TRPM7: variants seen among roughly 807,000 people sequenced by gnomAD.
TRPM7 encodes the protein LTRPC ion channel family member 7.
In TRPM7, 134 loss-of-function variants were observed where a neutral mutation model predicts 229.7. That is an observed-to-expected ratio of 0.58 (90% CI 0.51 to 0.67). The LOEUF (loss-of-function observed/expected upper bound fraction) is 0.67. TRPM7 is among the 30% of genes least tolerant of loss of function. The probability of loss-of-function intolerance (pLI) is 0.00; values close to 1 mark genes in which losing one functional copy is unlikely to be tolerated. For synonymous variants in TRPM7, 699 were observed against 715.2 expected, an observed-to-expected ratio of 0.98 and a Z score of 0.36; for missense variants, 1,901 against 2,210.0, an observed-to-expected ratio of 0.86 and a Z score of 2.80.
intron 38 of TRPM7, among the ~76,000 whole-genome samples, chr15:50,569,575 A>G (rs1190541476): frequency 6.6e-6 from 1 of 152,158 alleles, no homozygotes; most frequent in Non-Finnish European, 1.5e-5. Context: ...AATCTTGTCA[A>G]TATTCAACAT....
intron 5 of TRPM7, among the ~76,000 whole-genome samples, chr15:50,641,650 T>A (rs940935843): frequency 1.3e-5 from 2 of 152,196 alleles, no homozygotes; most frequent in African/African-American, 4.8e-5. Flanking sequence ...ATATTTTTAC[T>A]GTTTATGGAA....
intron 26 of TRPM7, among the ~76,000 whole-genome samples, 192 bp from the exon 27 acceptor site, chr15:50,589,848 T>TTTG (rs2059439807): frequency 7.3e-6 from 1 of 137,308 alleles, no homozygotes; most frequent in East Asian, 2.0e-4. Flanking sequence ...AGGTTACAGT[T>TTTG]TTTTTTGTTT....
At chr15:50,607,099 TACAC>T in intron 20 of TRPM7, 97 bp downstream of exon 20, 1 of 1,004,102 alleles carries the variant, frequency 1.0e-6, no homozygotes, top group South Asian at 2.0e-5. Flanking sequence ...AATGTCATCA[TACAC>T]ACACACACCC....
chr15:50,590,723 C>T (rs968483579), intron 26 of TRPM7, among the ~76,000 whole-genome samples: 3 of 151,674 alleles, frequency 2.0e-5, no homozygotes, highest in Non-Finnish European at 4.4e-5. Flanking sequence ...ACTCAGGAGG[C>T]TGAGGCAGGA....
chr15:50,676,187 T>C (rs2062089964), intron 1 of TRPM7, among the ~76,000 whole-genome samples: 1 of 152,172 alleles, frequency 6.6e-6, no homozygotes, highest in African/African-American at 2.4e-5. Flanking sequence ...CACCTTACTC[T>C]CTAAACAAAT....
At chr15:50,647,883 C>T (rs1360520581) in intron 4 of TRPM7, among the ~76,000 whole-genome samples, 1 of 152,144 alleles carries the variant, frequency 6.6e-6, no homozygotes, top group Non-Finnish European at 1.5e-5. Flanking sequence ...ACTTTATTTA[C>T]CTGTCATTAT....
intron 1 of TRPM7, among the ~76,000 whole-genome samples, chr15:50,666,150 A>G (rs2061874294): frequency 6.6e-6 from 1 of 152,144 alleles, no homozygotes; most frequent in Non-Finnish European, 1.5e-5. Context: ...CAAAAGTTAA[A>G]AGTTGGTTCT....
chr15:50,675,055 T>C (rs894927404), intron 1 of TRPM7, among the ~76,000 whole-genome samples: 2 of 151,898 alleles, frequency 1.3e-5, no homozygotes, highest in Non-Finnish European at 2.9e-5. Flanking sequence ...TTCAAGAAAA[T>C]CTCCTGGCTG....
chr15:50,619,855 CT>C, intron 12 of TRPM7, 57 bp from the exon 13 acceptor site: 1 of 1,445,328 alleles, frequency 6.9e-7, no homozygotes, highest in Non-Finnish European at 9.5e-7. Context: ...TAATTTAAAC[CT>C]TACAGGATTT....
At chr15:50,589,990 T>A (rs978525669) in intron 26 of TRPM7, among the ~76,000 whole-genome samples, 2 of 152,142 alleles carry the variant, frequency 1.3e-5, no homozygotes, top group Non-Finnish European at 2.9e-5. Context: ...CCTGAGTAGC[T>A]GGGACTACAG....
At chr15:50,649,014 A>G in intron 3 of TRPM7, 129 bp from the exon 4 acceptor site, 1 of 601,572 alleles carries the variant, frequency 1.7e-6, no homozygotes, top group South Asian at 3.7e-5. Context: ...TATAAAAATA[A>G]GCTTTTTGAT....
intron 5 of TRPM7, 104 bp from the exon 6 acceptor site, chr15:50,639,652 A>C: frequency 9.8e-7 from 1 of 1,021,166 alleles, no homozygotes; most frequent in Non-Finnish European, 1.4e-6. Flanking sequence ...CTGCAGCCTC[A>C]AACTCCTGGA....
intron 35 of TRPM7, 53 bp from the exon 36 acceptor site, chr15:50,574,532 A>G: frequency 1.3e-6 from 2 of 1,559,994 alleles, no homozygotes; most frequent in South Asian, 2.3e-5. Context: ...TAAAATTCTA[A>G]TTGATCTACA....
intron 4 of TRPM7, among the ~76,000 whole-genome samples, chr15:50,646,668 G>C (rs1402987917): frequency 6.6e-6 from 1 of 152,178 alleles, no homozygotes; most frequent in African/African-American, 2.4e-5. Flanking sequence ...GAGCACATAA[G>C]TCTTAAGAGA....
intron 1 of TRPM7, among the ~76,000 whole-genome samples, chr15:50,678,975 G>C (rs2062166953): frequency 6.6e-6 from 1 of 152,156 alleles, no homozygotes; most frequent in Non-Finnish European, 1.5e-5. Context: ...CTGGGTTCAA[G>C]AGATTCACCT....
Position 50,592,598 on chromosome 15 carries a change from C to T in TRPM7, c.3637G>A (p.Glu1213Lys), listed in dbSNP as rs780655857. 1.4e-5 allele frequency: 23 copies of T among 1,601,444 alleles called. No homozygotes were observed. The South Asian group carries it at 2.5e-4, about 18-fold the overall frequency. ...ATGTAGTTGACACGATCTCCAACTT[C>T]TTTAATCTGAATGCACATCTGTTCC... Reference protein sequence around the residue: ...RVEQMCIQIKEVGDRVNYIKR... With the variant: ...RVEQMCIQIKKVGDRVNYIKR... The change falls in exon 26 of 39, where the codon GAA becomes AAA. Residue 1213 changes from glutamate to lysine, a missense_variant. This residue lies in a region of TRPM7 where 533 missense variants were observed against 497.1 expected (regional missense o/e 1.07). Coordinates refer to ENST00000646667, the MANE Select transcript of TRPM7 (RefSeq NM_017672.6).
chr15:50,600,663 T>C (rs1288256312), intron 21 of TRPM7, among the ~76,000 whole-genome samples: 1 of 152,084 alleles, frequency 6.6e-6, no homozygotes, highest in Admixed American at 6.5e-5. Context: ...AAAATGAATA[T>C]ACAGTGACAG....
In TRPM7 at chr15:50,663,494, C is replaced by A. The variant is rs527366453; in HGVS notation, c.4-448G>T. Among the ~76,000 whole-genome samples the A allele has an allele frequency of 3.4e-3, 511 of 152,184 alleles. 5 individuals carry two copies. The highest frequency in any genetic ancestry group is 0.012 in the African/African-American group (496 of 41,522). ...TACATACCATAATCTGAGGATGGCACCCCAAAACGTCAGAATAATTCCATT... is the reference window on the plus strand; with the variant it reads ...TACATACCATAATCTGAGGATGGCAACCCAAAACGTCAGAATAATTCCATT... On this transcript the variant is annotated intron_variant, in intron 1 of 38. Transcript: ENST00000646667.
intron 31 of TRPM7, among the ~76,000 whole-genome samples, chr15:50,576,525 C>T (rs150158554): frequency 6.6e-6 from 1 of 152,200 alleles, no homozygotes; most frequent in Non-Finnish European, 1.5e-5. Flanking sequence ...TATACACATA[C>T]ATGTGTGCAC....
Sources: gnomAD v4.1 joint callset for allele counts (sites outside exome capture counted in the v4.1 genomes callset) on GRCh38, gnomAD v4.1.1 for gene constraint, gnomAD v4.1.1 regional missense constraint, MANE v1.5 for transcripts, NCBI Gene and HGNC (gene_info 2026-07-23, HGNC 2026-07-21) for gene names.